SH3GL2: variants seen among roughly 807,000 people sequenced by gnomAD.
SH3GL2 encodes the protein SH3 domain containing GRB2 like 2, endophilin A1.
SH3GL2 carries 24 observed loss-of-function variants against 46.0 expected under a neutral mutation model. The ratio of observed to expected loss-of-function variants is 0.52; its 90% CI spans 0.38 to 0.73. The LOEUF (loss-of-function observed/expected upper bound fraction) is 0.73, where lower values mean the gene tolerates loss of function less well. Among genes scored for constraint, SH3GL2 ranks in the 30% least tolerant of loss-of-function variants. SH3GL2 has a pLI of 0.00. For synonymous variants in SH3GL2, 196 were observed against 147.1 expected (o/e 1.33, Z -2.40); for missense variants, 413 against 424.2 (o/e 0.97, Z 0.23).
chr9:17,613,913 G>C (rs541538897), intron 1 of SH3GL2, among the ~76,000 whole-genome samples: 1 of 152,058 alleles, frequency 6.6e-6, no homozygotes, highest in East Asian at 1.9e-4. Flanking sequence ...TGCCTTATTT[G>C]GCAAGCTGCC....
At position 17,579,155 on chromosome 9, in the gene SH3GL2, C is replaced by G. The variant is rs1314143480; in HGVS notation, c.-88C>G. 2.1e-6 allele frequency: 2 copies of G among 947,774 alleles called. No homozygotes were observed. The highest frequency in any genetic ancestry group is 3.4e-5 in the East Asian group (1 of 29,652). The allele number at this position is 947,774 out of a possible 1,614,324, so 58.7% of individuals were successfully genotyped here. ...CGGCGGCGGCACGACCAGAGGCGGCCAGGGGAGCGCGCCGCCCCGCTCGGC... is the reference window on the plus strand; with the variant it reads ...CGGCGGCGGCACGACCAGAGGCGGCGAGGGGAGCGCGCCGCCCCGCTCGGC... On this transcript the variant is annotated 5_prime_UTR_variant, in exon 1 of 9. Transcript: ENST00000380607.
intron 1 of SH3GL2, among the ~76,000 whole-genome samples, chr9:17,591,623 G>T (rs1272049762): frequency 1.3e-5 from 2 of 152,194 alleles, no homozygotes; most frequent in Non-Finnish European, 2.9e-5. Context: ...AGTTTTACTT[G>T]TATTGTGTAG....
chr9:17,658,338 A>G (rs1820139060), intron 1 of SH3GL2, among the ~76,000 whole-genome samples: 1 of 152,208 alleles, frequency 6.6e-6, no homozygotes. Context: ...GTAGCAAATT[A>G]TACTGCTTCC....
chr9:17,685,811 C>CT (rs1820890601), intron 1 of SH3GL2, among the ~76,000 whole-genome samples: 1 of 152,054 alleles, frequency 6.6e-6, no homozygotes, highest in Non-Finnish European at 1.5e-5. Flanking sequence ...ATCTATATCT[C>CT]TGTTTTGGTA....
chr9:17,737,720 C>A (rs1254417317), intron 1 of SH3GL2, among the ~76,000 whole-genome samples: 1 of 152,000 alleles, frequency 6.6e-6, no homozygotes, highest in Admixed American at 6.6e-5. Flanking sequence ...CTTTCCCTGC[C>A]TCGTCTTTAA....
intron 1 of SH3GL2, among the ~76,000 whole-genome samples, chr9:17,733,397 G>A (rs185289586): frequency 6.6e-6 from 1 of 151,838 alleles, no homozygotes; most frequent in African/African-American, 2.4e-5. Flanking sequence ...TCTAGCATTA[G>A]GTATATCTCC....
At chr9:17,727,645 A>C (rs1822056876) in intron 1 of SH3GL2, among the ~76,000 whole-genome samples, 1 of 152,184 alleles carries the variant, frequency 6.6e-6, no homozygotes, top group Non-Finnish European at 1.5e-5. Context: ...CACTGGAGGC[A>C]ACCACAGCCA....
chr9:17,691,755 T>G (rs1302152874), intron 1 of SH3GL2, among the ~76,000 whole-genome samples: 1 of 152,168 alleles, frequency 6.6e-6, no homozygotes, highest in African/African-American at 2.4e-5. Flanking sequence ...CAATATAGAT[T>G]ATAGATTTCC....
At chr9:17,789,699 A>C in intron 6 of SH3GL2, 149 bp downstream of exon 6, 2 of 1,392,060 alleles carry the variant, frequency 1.4e-6, no homozygotes, top group Non-Finnish European at 1.9e-6. Context: ...AATAATTGTC[A>C]GTCATAAAGT....
chr9:17,761,779 A>G (rs1253952152), intron 3 of SH3GL2, among the ~76,000 whole-genome samples: 1 of 152,236 alleles, frequency 6.6e-6, no homozygotes, highest in African/African-American at 2.4e-5. Context: ...GGTGACACAT[A>G]ATATCAGAGT....
intron 1 of SH3GL2, among the ~76,000 whole-genome samples, chr9:17,669,190 A>G (rs1404691581): frequency 6.6e-6 from 1 of 152,178 alleles, no homozygotes; most frequent in South Asian, 2.1e-4. Context: ...AGTTTTCCCC[A>G]GTGGTAACAT....
intron 1 of SH3GL2, among the ~76,000 whole-genome samples, chr9:17,620,515 G>A (rs1267599101): frequency 6.6e-6 from 1 of 152,134 alleles, no homozygotes; most frequent in Non-Finnish European, 1.5e-5. Context: ...TGGGCTCGCA[G>A]ACATGCAACT....
intron 1 of SH3GL2, among the ~76,000 whole-genome samples, chr9:17,675,558 C>G (rs866460502): frequency 2.6e-5 from 4 of 152,214 alleles, no homozygotes; most frequent in South Asian, 2.1e-4. Context: ...AAAGTCTTTG[C>G]TCTGCAAGGG....
At chr9:17,787,544 C>A in intron 5 of SH3GL2, 31 bp downstream of exon 5, 1 of 1,588,830 alleles carries the variant, frequency 6.3e-7, no homozygotes, top group South Asian at 1.1e-5. Context: ...GGAAAGTGGG[C>A]AGTTGAAATC....
At chr9:17,692,103 A>C (rs1743257389) in intron 1 of SH3GL2, among the ~76,000 whole-genome samples, 1 of 152,124 alleles carries the variant, frequency 6.6e-6, no homozygotes, top group Non-Finnish European at 1.5e-5. Flanking sequence ...GAGACCAAAC[A>C]AGTATATATT....
chr9:17,699,846 A>G (rs75248012), intron 1 of SH3GL2, among the ~76,000 whole-genome samples: 3,957 of 152,318 alleles, frequency 0.026, 125 homozygotes, highest in East Asian at 0.11. Flanking sequence ...ATAAAGTGTC[A>G]CGTTGAACAC....
rs1824285165 is a variant in SH3GL2, at chr9:17,796,852, T to G, written c.*1109T>G. The G allele has an allele frequency of 6.5e-6, 1 of 152,700 alleles. No individual in the cohort carries two copies. The highest frequency in any genetic ancestry group is 6.5e-5 in the Admixed American group (1 of 15,280). 9.5% of individuals were successfully genotyped at this position (152,700 alleles called of 1,614,324 possible). A position where few individuals can be genotyped will look rare whatever the true frequency, so the allele number is the denominator to read the frequency against. On this transcript the variant is annotated 3_prime_UTR_variant, in exon 9 of 9. Transcript: ENST00000380607. ...TCAGTCGCTACTTTTACTTCTGCCCTTTCTATCCATCGTCTTCATTTTGTG... is the reference window on the plus strand; with the variant it reads ...TCAGTCGCTACTTTTACTTCTGCCCGTTCTATCCATCGTCTTCATTTTGTG...
At chr9:17,739,579 G>A (rs932884064) in intron 1 of SH3GL2, among the ~76,000 whole-genome samples, 4 of 151,178 alleles carry the variant, frequency 2.6e-5, no homozygotes, top group African/African-American at 7.3e-5. Flanking sequence ...ATCTGATGAT[G>A]AACTAAATTA....
chr9:17,773,812 G>T (rs942603661), intron 3 of SH3GL2, among the ~76,000 whole-genome samples: 11 of 151,964 alleles, frequency 7.2e-5, no homozygotes, highest in African/African-American at 2.4e-4. Context: ...ATTTTAGGGT[G>T]GGATTTCCAT....
Sources: gnomAD v4.1 joint callset for allele counts (sites outside exome capture counted in the v4.1 genomes callset) on GRCh38, gnomAD v4.1.1 for gene constraint, MANE v1.5 for transcripts, NCBI Gene and HGNC (gene_info 2026-07-23, HGNC 2026-07-21) for gene names.